The following HS6ST2 variants were observed in gnomAD, a reference collection of about 807,000 sequenced individuals.
HS6ST2 encodes heparan sulfate 6-O-sulfotransferase 2, also known as heparan-sulfate 6-O-sulfotransferase 2.
In HS6ST2, 17 loss-of-function variants were observed where a neutral mutation model predicts 33.0. The observed-to-expected ratio is 0.52, with a 90% CI of 0.35 to 0.77. The LOEUF is 0.77. Among genes scored for constraint, HS6ST2 ranks in the 30% least tolerant of loss-of-function variants. The probability of loss-of-function intolerance (pLI) is 0.01; values close to 1 mark genes in which losing one functional copy is unlikely to be tolerated. For missense variants in HS6ST2, 519 were observed against 551.7 expected (o/e 0.94, Z 0.59); for synonymous variants, 248 against 237.1 (o/e 1.05, Z -0.42).
At chrX:132,865,899 G>A (rs867570386) in intron 2 of HS6ST2, among the ~76,000 whole-genome samples, 18 of 111,409 alleles carry the variant, frequency 1.6e-4, no homozygotes, top group Admixed American at 6.7e-4. Context: ...AGATGAGCAG[G>A]TTGCGAAAAT....
At chrX:132,800,297 TAA>T (rs1165542443) in intron 2 of HS6ST2, among the ~76,000 whole-genome samples, 1 of 111,590 alleles carries the variant, frequency 9.0e-6, no homozygotes, top group Non-Finnish European at 1.9e-5. Context: ...TATGAGAATC[TAA>T]TGCCTGATGA....
chrX:132,950,266 C>T (rs1036625205), intron 2 of HS6ST2, among the ~76,000 whole-genome samples: 21 of 111,818 alleles, frequency 1.9e-4, no homozygotes, highest in African/African-American at 6.8e-4. Flanking sequence ...CACAGGGATA[C>T]CAGATACTCA....
intron 2 of HS6ST2, among the ~76,000 whole-genome samples, chrX:132,859,009 C>T (rs768651846): frequency 8.9e-6 from 1 of 112,283 alleles, no homozygotes; most frequent in African/African-American, 3.2e-5. Context: ...ACTGAACACC[C>T]AGATATGTCG....
rs184776311 is a variant in HS6ST2, at chrX:132,758,884, G to A, written c.948-50390C>T. ...TCAGCTGACTCATCAAGCCTGTCTC[G>A]TCTGCACACAGCCTGATATAGAAAG... is the stretch of plus-strand genomic sequence containing the variant. On this transcript the variant is annotated intron_variant, in intron 2 of 4. Transcript: ENST00000370833. Among the ~76,000 whole-genome samples the A allele has an allele frequency of 2.6e-3, 285 of 111,555 alleles. 3 individuals carry two copies. The highest frequency in any genetic ancestry group is 9.2e-3 in the African/African-American group (281 of 30,701).
At chrX:132,724,970 C>T (rs1171566237) in intron 2 of HS6ST2, among the ~76,000 whole-genome samples, 1 of 111,813 alleles carries the variant, frequency 8.9e-6, no homozygotes, top group Non-Finnish European at 1.9e-5. Context: ...TGAAACTAGA[C>T]CCCTATTTCT....
intron 3 of HS6ST2, among the ~76,000 whole-genome samples, chrX:132,683,012 G>T (rs1443715166): frequency 9.0e-6 from 1 of 110,640 alleles, no homozygotes; most frequent in East Asian, 2.8e-4. Context: ...TACTCCAGAG[G>T]CTGAGATGAG....
At chrX:132,953,382 T>C (rs1207682027) in intron 2 of HS6ST2, among the ~76,000 whole-genome samples, 2 of 110,163 alleles carry the variant, frequency 1.8e-5, no homozygotes, top group East Asian at 2.8e-4. Context: ...CTCTCTCTCT[T>C]TGTCCTCTCC....
Position 132,759,009 on chromosome X carries a change from G to A in HS6ST2, c.948-50515C>T, listed in dbSNP as rs978971420. Among the ~76,000 whole-genome samples, 6 of 111,692 alleles carry A rather than the reference G, an allele frequency of 5.4e-5. No individual in the cohort carries two copies. The South Asian group carries it at 1.1e-3, about 21-fold the overall frequency. ...CCTGGGTGGTGTGAGTAGATGGGCA[G>A]CTGCAGAAATAGACAACCAGGAGCT... On this transcript the variant is annotated intron_variant, in intron 2 of 4. Coordinates refer to ENST00000370833, the MANE Select transcript of HS6ST2 (RefSeq NM_001394073.1).
intron 4 of HS6ST2, among the ~76,000 whole-genome samples, chrX:132,637,527 G>A (rs1335158604): frequency 1.9e-5 from 2 of 106,787 alleles, no homozygotes; most frequent in Non-Finnish European, 3.8e-5. Context: ...ACTGGTTCAC[G>A]AAAGGCCATG....
intron 3 of HS6ST2, among the ~76,000 whole-genome samples, chrX:132,680,113 C>T (rs889938872): frequency 6.6e-5 from 7 of 105,616 alleles, no homozygotes; most frequent in Non-Finnish European, 9.7e-5. Context: ...TAGGAAATCA[C>T]AAGTGTATTG....
chrX:132,809,311 G>C (rs2065316231), intron 2 of HS6ST2, among the ~76,000 whole-genome samples: 1 of 112,179 alleles, frequency 8.9e-6, no homozygotes, highest in Non-Finnish European at 1.9e-5. Context: ...TTTTAAACAA[G>C]CCCTGTAGGT....
At chrX:132,629,777 A>T (rs12558802) in intron 4 of HS6ST2, among the ~76,000 whole-genome samples, 3,872 of 111,930 alleles carry the variant, frequency 0.035, 65 homozygotes, top group Middle Eastern at 0.051. Flanking sequence ...GTGGTTAGTC[A>T]CTGACTGAAA....
At chrX:132,896,434 G>A (rs1410152973) in intron 2 of HS6ST2, among the ~76,000 whole-genome samples, 1 of 105,431 alleles carries the variant, frequency 9.5e-6, no homozygotes, top group Non-Finnish European at 1.9e-5. Context: ...TTGTGCCACT[G>A]CACTCCATCC....
intron 2 of HS6ST2, among the ~76,000 whole-genome samples, chrX:132,830,767 G>T (rs2065581492): frequency 1.8e-5 from 2 of 111,622 alleles, no homozygotes; most frequent in Non-Finnish European, 3.8e-5. Flanking sequence ...CACTGGGGTT[G>T]ATGGTCCAGT....
intron 4 of HS6ST2, among the ~76,000 whole-genome samples, chrX:132,658,153 A>G (rs1440208330): frequency 9.0e-6 from 1 of 111,284 alleles, no homozygotes; most frequent in Non-Finnish European, 1.9e-5. Flanking sequence ...TCCACAATCC[A>G]GCCATGCTGT....
chrX:132,845,503 T>C (rs916795507), intron 2 of HS6ST2, among the ~76,000 whole-genome samples: 1 of 111,448 alleles, frequency 9.0e-6, no homozygotes, highest in African/African-American at 3.3e-5. Context: ...TCCACATTTA[T>C]TACCTGGCAC....
At chrX:132,727,377 C>T (rs1471958646) in intron 2 of HS6ST2, among the ~76,000 whole-genome samples, 1 of 111,070 alleles carries the variant, frequency 9.0e-6, no homozygotes, top group Non-Finnish European at 1.9e-5. Flanking sequence ...ATGGTCCCTG[C>T]TTTCCATGAG....
intron 2 of HS6ST2, among the ~76,000 whole-genome samples, chrX:132,777,417 C>A (rs2064972230): frequency 1.5e-5 from 1 of 66,642 alleles, no homozygotes; most frequent in African/African-American, 7.9e-5. Context: ...GTTTAAATAT[C>A]ACTTTTATTT....
rs770480809 is a variant in HS6ST2, at chrX:132,878,969, A to C, written c.947+77839T>G. ...CATTTCCAAGATGAAGAATGTCATA[A>C]AAACAAATTAAATAAATTTCACCCT... is the stretch of plus-strand genomic sequence containing the variant. On this transcript the variant is annotated intron_variant, in intron 2 of 4. Transcript: ENST00000370833. Among the ~76,000 whole-genome samples, 3 of 111,434 alleles carry C rather than the reference A, an allele frequency of 2.7e-5. No individual in the cohort carries two copies. In the East Asian group the frequency reaches 8.5e-4, roughly 32 times the overall value.
Sources: allele counts gnomAD v4.1 joint callset (sites outside exome capture counted in the v4.1 genomes callset), GRCh38; gene constraint gnomAD v4.1.1; transcripts MANE v1.5; gene names NCBI Gene and HGNC (gene_info 2026-07-23, HGNC 2026-07-21).